The following AGTPBP1 variants were observed in gnomAD, a reference collection of about 807,000 sequenced individuals.
AGTPBP1 encodes the protein cytosolic carboxypeptidase 1.
In AGTPBP1, 70 loss-of-function variants were observed where a neutral mutation model predicts 143.9. That is an observed-to-expected ratio of 0.49 (90% CI 0.40 to 0.59). The LOEUF (loss-of-function observed/expected upper bound fraction) is 0.59. Among genes scored for constraint, AGTPBP1 ranks in the 20% least tolerant of loss-of-function variants. The pLI, the probability that AGTPBP1 is intolerant of heterozygous loss-of-function variation, is 0.00. For synonymous variants in AGTPBP1, 463 were observed against 500.2 expected (o/e 0.93, Z 0.99); for missense variants, 1,229 against 1,464.5 (o/e 0.84, Z 2.62).
the AGTPBP1 span, among the ~76,000 whole-genome samples, chr9:85,759,670 G>A: frequency 3.9e-5 from 6 of 151,950 alleles, no homozygotes; most frequent in African/African-American, 1.5e-4. Context: ...GAGAAAGCAG[G>A]AAAGATCTAA....
intron 25 of AGTPBP1, among the ~76,000 whole-genome samples, chr9:85,548,957 G>A (rs2118330446): frequency 6.6e-6 from 1 of 152,264 alleles, no homozygotes; most frequent in Middle Eastern, 3.4e-3. Context: ...TTACAGGTGT[G>A]AGCCACCACA....
At chr9:85,590,019 TC>T (rs1320467947) in intron 19 of AGTPBP1, among the ~76,000 whole-genome samples, 4 of 152,112 alleles carry the variant, frequency 2.6e-5, no homozygotes, top group Non-Finnish European at 4.4e-5. Flanking sequence ...CCAAACGAGT[TC>T]CAAAAAACCT....
At chr9:85,731,209 T>C (rs1449104863) in intron 1 of AGTPBP1, among the ~76,000 whole-genome samples, 1 of 152,222 alleles carries the variant, frequency 6.6e-6, no homozygotes, top group Non-Finnish European at 1.5e-5. Context: ...ATTAACTTCA[T>C]CTTAAAGTAC....
At chr9:85,713,463 G>T (rs1837510521) in intron 1 of AGTPBP1, among the ~76,000 whole-genome samples, 1 of 152,170 alleles carries the variant, frequency 6.6e-6, no homozygotes, top group Non-Finnish European at 1.5e-5. Flanking sequence ...CCCGGGAGGT[G>T]GAGGTTGCAG....
the AGTPBP1 span, chr9:85,781,390 C>T: frequency 6.7e-7 from 1 of 1,496,508 alleles, no homozygotes; most frequent in Non-Finnish European, 8.9e-7. Flanking sequence ...TGTTGTCACT[C>T]TTAACACTGT....
At position 85,613,167 on chromosome 9, in the gene AGTPBP1, AAGG is replaced by A. The variant is rs758631893; in HGVS notation, c.2335+5813_2335+5815del. 2.5e-3 allele frequency among the ~76,000 whole-genome samples: 374 copies of A among 152,214 alleles called. 2 individuals are homozygous for A. Among genetic ancestry groups the A allele is most frequent in the Non-Finnish European group, 4.4e-3 (297 of 67,992 alleles). ...ACATACAAGTAATATAAAAAATAACAAGGAGATCTTAATATTAAAATTTGAAAG... is the reference window on the plus strand; with the variant it reads ...ACATACAAGTAATATAAAAAATAACAAGATCTTAATATTAAAATTTGAAAG... On this transcript the variant is annotated intron_variant, in intron 17 of 25. Coordinates refer to ENST00000357081, the MANE Select transcript of AGTPBP1 (RefSeq NM_001330701.2).
the AGTPBP1 span, among the ~76,000 whole-genome samples, chr9:85,769,520 C>CAAA: frequency 1.6e-5 from 1 of 60,864 alleles, no homozygotes; most frequent in African/African-American, 4.2e-5. Flanking sequence ...ACCCTGTGTC[C>CAAA]AAAAAAAAAA....
At chr9:85,774,065 A>G in the AGTPBP1 span, 99 of 1,430,846 alleles carry the variant, frequency 6.9e-5, no homozygotes, top group East Asian at 2.2e-3. Flanking sequence ...AGTTATGTAA[A>G]GTTGATGTGT....
chr9:85,742,732 C>T (rs1281069610), upstream of AGTPBP1, among the ~76,000 whole-genome samples: 1 of 152,216 alleles, frequency 6.6e-6, no homozygotes, highest in East Asian at 1.9e-4. Context: ...AGAGAAATTA[C>T]TAATACACCC....
intron 1 of AGTPBP1, chr9:85,741,449 A>G (rs1564202728): frequency 5.1e-6 from 5 of 984,988 alleles, no homozygotes; most frequent in Non-Finnish European, 4.8e-6. Flanking sequence ...GAAAGGGCTG[A>G]GCAGAAAGGG....
chr9:85,798,981 A>G, the AGTPBP1 span, among the ~76,000 whole-genome samples: 1 of 152,172 alleles, frequency 6.6e-6, no homozygotes, highest in South Asian at 2.1e-4. Flanking sequence ...TATACCTCCT[A>G]ATGCTATCCC....
At chr9:85,635,067 G>A (rs181442063) in intron 13 of AGTPBP1, among the ~76,000 whole-genome samples, 232 of 152,148 alleles carry the variant, frequency 1.5e-3, no homozygotes, top group Non-Finnish European at 2.3e-3. Context: ...TTAATCAGTC[G>A]CAATTCTTCA....
intron 25 of AGTPBP1, among the ~76,000 whole-genome samples, chr9:85,573,848 T>C (rs1417141647): frequency 6.8e-6 from 1 of 146,280 alleles, no homozygotes; most frequent in East Asian, 2.1e-4. Context: ...GTCTGAGAAG[T>C]GAGGAGACCC....
chr9:85,566,915 A>G (rs1047313348), intron 25 of AGTPBP1, among the ~76,000 whole-genome samples: 2 of 152,240 alleles, frequency 1.3e-5, no homozygotes, highest in Non-Finnish European at 2.9e-5. Context: ...ACTTTATAGC[A>G]TTGCAATTAT....
intron 24 of AGTPBP1, among the ~76,000 whole-genome samples, chr9:85,577,879 A>G (rs1162402871): frequency 6.6e-6 from 1 of 152,188 alleles, no homozygotes; most frequent in Middle Eastern, 3.2e-3. Flanking sequence ...AAAATATTTC[A>G]TATCAACTAT....
chr9:85,753,282 T>C, the AGTPBP1 span: 1 of 1,612,864 alleles, frequency 6.2e-7, no homozygotes, highest in Non-Finnish European at 8.5e-7. Context: ...AGCAATAAGG[T>C]GTTTTCAATT....
the AGTPBP1 span, among the ~76,000 whole-genome samples, chr9:85,764,220 A>C: frequency 6.6e-6 from 1 of 152,108 alleles, no homozygotes; most frequent in Admixed American, 6.5e-5. Context: ...AAGGCATTCA[A>C]CTTAAGATTT....
intron 1 of AGTPBP1, among the ~76,000 whole-genome samples, chr9:85,726,514 T>C (rs935289775): frequency 6.6e-5 from 10 of 152,196 alleles, no homozygotes; most frequent in East Asian, 1.9e-4. Flanking sequence ...TCCAGTAAGG[T>C]TGGTAAAGAA....
At chr9:85,726,773 C>G (rs1380690679) in intron 1 of AGTPBP1, among the ~76,000 whole-genome samples, 6 of 151,842 alleles carry the variant, frequency 4.0e-5, no homozygotes, top group Non-Finnish European at 8.8e-5. Context: ...AATCTCAAAA[C>G]AAACAGAATA....
Sources: gnomAD v4.1 joint callset for allele counts (sites outside exome capture counted in the v4.1 genomes callset) on GRCh38, gnomAD v4.1.1 for gene constraint, MANE v1.5 for transcripts, NCBI Gene and HGNC (gene_info 2026-07-23, HGNC 2026-07-21) for gene names.